The following ULK4 variants were observed in gnomAD, a reference collection of about 807,000 sequenced individuals.
The protein encoded by ULK4 is inactive serine/threonine-protein kinase ULK4.
Under a neutral mutation model 160.6 loss-of-function variants are expected in ULK4, and 133 were observed. The ratio of observed to expected loss-of-function variants is 0.83; its 90% CI spans 0.72 to 0.96. The LOEUF is 0.96. Among genes scored for constraint, ULK4 ranks in the 40% least tolerant of loss-of-function variants. ULK4 has a pLI of 0.00. For missense variants in ULK4, 1,580 were observed against 1,499.5 expected (o/e 1.05, Z -0.89); for synonymous variants, 534 against 539.8 (o/e 0.99, Z 0.15).
At chr3:41,418,285 T>C (rs553650054) in intron 34 of ULK4, among the ~76,000 whole-genome samples, 10 of 141,218 alleles carry the variant, frequency 7.1e-5, no homozygotes, top group East Asian at 2.5e-4. Flanking sequence ...AATTGACACA[T>C]AGACTAGTAC....
At chr3:41,914,508 T>C (rs1217664171) in intron 8 of ULK4, among the ~76,000 whole-genome samples, 5 of 152,190 alleles carry the variant, frequency 3.3e-5, no homozygotes, top group Non-Finnish European at 5.9e-5. Flanking sequence ...ATGCAGGAAA[T>C]GTATCAAACT....
intron 31 of ULK4, among the ~76,000 whole-genome samples, chr3:41,614,347 A>C: frequency 6.6e-6 from 1 of 152,206 alleles, no homozygotes; most frequent in Non-Finnish European, 1.5e-5. Context: ...CCCCATACCC[A>C]ACCATGTGGC....
intron 11 of ULK4, among the ~76,000 whole-genome samples, chr3:41,910,455 G>A (rs982254714): frequency 5.9e-5 from 9 of 151,934 alleles, no homozygotes; most frequent in East Asian, 3.9e-4. Context: ...TTAGCCAGGC[G>A]AGGTGGTGGG....
At chr3:41,662,030 A>C (rs747049887) in intron 30 of ULK4, among the ~76,000 whole-genome samples, 11 of 152,194 alleles carry the variant, frequency 7.2e-5, no homozygotes, top group Admixed American at 2.0e-4. Flanking sequence ...GTTCAATCTA[A>C]TGAAAGGATA....
intron 32 of ULK4, among the ~76,000 whole-genome samples, chr3:41,535,894 C>A (rs1401768842): frequency 6.6e-6 from 1 of 152,146 alleles, no homozygotes; most frequent in African/African-American, 2.4e-5. Flanking sequence ...GCCCCATACC[C>A]TTCCTTGCCC....
At chr3:41,281,435 T>C (rs2079350335) in intron 35 of ULK4, among the ~76,000 whole-genome samples, 1 of 152,110 alleles carries the variant, frequency 6.6e-6, no homozygotes, top group Non-Finnish European at 1.5e-5. Flanking sequence ...CAGCAGCACA[T>C]CAGAAAGCTT....
chr3:41,722,160 T>A (rs2037493493), intron 22 of ULK4, among the ~76,000 whole-genome samples: 1 of 152,160 alleles, frequency 6.6e-6, no homozygotes, highest in Admixed American at 6.5e-5. Context: ...GTAGCTGCTA[T>A]CATCACCACC....
At chr3:41,491,176 T>C (rs1469635982) in intron 32 of ULK4, among the ~76,000 whole-genome samples, 5 of 152,194 alleles carry the variant, frequency 3.3e-5, no homozygotes, top group East Asian at 1.9e-4. Flanking sequence ...AGCCCTACCA[T>C]ATTTTTGAAT....
intron 2 of ULK4, among the ~76,000 whole-genome samples, chr3:41,949,819 C>A (rs1160803227): frequency 6.6e-6 from 1 of 151,784 alleles, no homozygotes; most frequent in Admixed American, 6.6e-5. Flanking sequence ...TCACTGCAAC[C>A]TCGACCTCCA....
chr3:41,671,575 A>G (rs1321926872), intron 29 of ULK4, among the ~76,000 whole-genome samples: 1 of 152,088 alleles, frequency 6.6e-6, no homozygotes, highest in Non-Finnish European at 1.5e-5. Context: ...CTCTCATCAT[A>G]TATAATCACA....
intron 25 of ULK4, among the ~76,000 whole-genome samples, chr3:41,709,558 TGTACTTTTAGTA>T (rs937860457): frequency 3.9e-5 from 6 of 152,108 alleles, no homozygotes; most frequent in African/African-American, 1.4e-4. Flanking sequence ...AGTTAATTTT[TGTACTTTTAGTA>T]GAGATGGGGT....
At chr3:41,766,248 T>C (rs144004288) in intron 21 of ULK4, among the ~76,000 whole-genome samples, 5 of 152,124 alleles carry the variant, frequency 3.3e-5, no homozygotes, top group Non-Finnish European at 5.9e-5. Context: ...AGCCTGGGCG[T>C]CAGAGCAAGA....
intron 27 of ULK4, among the ~76,000 whole-genome samples, chr3:41,694,190 G>A (rs915789529): frequency 1.3e-5 from 2 of 152,220 alleles, no homozygotes. Flanking sequence ...AGAAAGAACT[G>A]TGTAGGGGAC....
intron 35 of ULK4, among the ~76,000 whole-genome samples, chr3:41,279,069 G>GCTAA (rs2079289232): frequency 6.6e-6 from 1 of 152,028 alleles, no homozygotes; most frequent in South Asian, 2.1e-4. Context: ...TACATGAATG[G>GCTAA]CTAACTAGAA....
rs749147346 is a variant in ULK4, at chr3:41,681,570, C to T, written c.2916G>A (p.Glu972=). 6.2e-7 allele frequency: 1 copy of T among 1,613,970 alleles called. No individual in the cohort carries two copies. The highest frequency in any genetic ancestry group is 1.7e-5 in the Admixed American group (1 of 59,998). Residue 972 remains glutamate (E), a synonymous_variant, in exon 29 of 37, where the codon GAG becomes GAA. Coordinates refer to ENST00000301831, the MANE Select transcript of ULK4 (RefSeq NM_017886.4). The part of the protein sequence containing the change: ...LVNQEFGDGK[E]KASVDSDSNL... ...TGCTGTCAGAATCAACACTGGCCTTCTCCTTGCCATCCCCAAACTCCTGGT... is the reference window on the plus strand; with the variant it reads ...TGCTGTCAGAATCAACACTGGCCTTTTCCTTGCCATCCCCAAACTCCTGGT...
At chr3:41,689,662 T>C (rs928834609) in intron 27 of ULK4, among the ~76,000 whole-genome samples, 32 of 152,334 alleles carry the variant, frequency 2.1e-4, no homozygotes, top group African/African-American at 7.0e-4. Flanking sequence ...AAAGAAGACA[T>C]TTATGCAGCT....
At chr3:41,930,757 C>G (rs1699564783) in intron 5 of ULK4, among the ~76,000 whole-genome samples, 1 of 152,196 alleles carries the variant, frequency 6.6e-6, no homozygotes, top group Non-Finnish European at 1.5e-5. Context: ...CAGCACTGAT[C>G]ATTACAGAAA....
chr3:41,621,015 T>C (rs1440187193), intron 30 of ULK4, among the ~76,000 whole-genome samples: 1 of 152,102 alleles, frequency 6.6e-6, no homozygotes, highest in Admixed American at 6.6e-5. Context: ...TCATTCACAA[T>C]TGCTACAAAG....
chr3:41,857,003 G>A (rs1240347323), intron 17 of ULK4, among the ~76,000 whole-genome samples: 1 of 151,992 alleles, frequency 6.6e-6, no homozygotes, highest in Non-Finnish European at 1.5e-5. Flanking sequence ...TATTAGACTG[G>A]ATAAACTAGG....
Sources: gnomAD v4.1 joint callset for allele counts (sites outside exome capture counted in the v4.1 genomes callset) on GRCh38, gnomAD v4.1.1 for gene constraint, MANE v1.5 for transcripts, NCBI Gene and HGNC (gene_info 2026-07-23, HGNC 2026-07-21) for gene names.